Variants in CWC27 observed in about 807,000 individuals in gnomAD.
CWC27 encodes the protein CWC27 spliceosome associated cyclophilin, also known as spliceosome-associated protein CWC27 homolog.
Under a neutral mutation model 63.6 loss-of-function variants are expected in CWC27, and 47 were observed. That is an observed-to-expected ratio of 0.74 (90% confidence interval 0.58 to 0.94). CWC27 has a LOEUF of 0.94. CWC27 is among the 40% of genes least tolerant of loss of function. The pLI, the probability that CWC27 is intolerant of heterozygous loss-of-function variation, is 0.00. For missense variants in CWC27, 495 were observed against 554.3 expected (o/e 0.89, Z 1.07); for synonymous variants, 175 against 179.8 (o/e 0.97, Z 0.22).
At chr5:64,999,818 C>T (rs1296530668) in intron 13 of CWC27, among the ~76,000 whole-genome samples, 1 of 151,918 alleles carries the variant, frequency 6.6e-6, no homozygotes, top group Admixed American at 6.6e-5. Flanking sequence ...GAAGTCCTTT[C>T]GATATAATGA....
chr5:64,993,131 A>T (rs1247865739), intron 13 of CWC27, among the ~76,000 whole-genome samples: 1 of 152,170 alleles, frequency 6.6e-6, no homozygotes, highest in Non-Finnish European at 1.5e-5. Context: ...ATTAAATGAG[A>T]TAATTCATGG....
rs970691855 is a variant in CWC27 at position 64,885,561 on chromosome 5, C to A, written c.1042+15C>A. The A allele has an allele frequency of 1.3e-6, 2 of 1,569,514 alleles. No homozygotes were observed. The highest frequency in any genetic ancestry group is 1.2e-5 in the South Asian group (1 of 86,126). The stretch of plus-strand genomic sequence containing the variant: ...AAGAAGTGAAGGTAAGGGCATTTAT[C>A]ACGCTTATTTTTTCACTTGATACTC... On this transcript the variant is annotated intron_variant, in intron 11 of 13. Coordinates refer to ENST00000381070, the MANE Select transcript of CWC27 (RefSeq NM_005869.4).
intron 11 of CWC27, among the ~76,000 whole-genome samples, chr5:64,918,270 T>A (rs796083109): frequency 1.4e-4 from 22 of 152,334 alleles, no homozygotes; most frequent in African/African-American, 5.3e-4. Flanking sequence ...TACCAAGGGC[T>A]AGGCAGGAAG....
chr5:64,823,593 C>T (rs540464636), intron 10 of CWC27, among the ~76,000 whole-genome samples: 1 of 152,198 alleles, frequency 6.6e-6, no homozygotes, highest in Non-Finnish European at 1.5e-5. Flanking sequence ...GATGCAATTA[C>T]TGCCTAACTC....
intron 10 of CWC27, among the ~76,000 whole-genome samples, chr5:64,806,538 C>T (rs887627830): frequency 1.3e-5 from 2 of 152,114 alleles, no homozygotes; most frequent in Non-Finnish European, 2.9e-5. Flanking sequence ...CCTATCTGTC[C>T]TACCTACAAA....
At chr5:64,991,786 A>G (rs1416387807) in intron 13 of CWC27, among the ~76,000 whole-genome samples, 3 of 152,208 alleles carry the variant, frequency 2.0e-5, no homozygotes, top group East Asian at 1.9e-4. Context: ...AAGGTTTTAA[A>G]TGAACAAATT....
chr5:64,860,265 A>G (rs1029064283), intron 10 of CWC27, among the ~76,000 whole-genome samples: 1 of 152,256 alleles, frequency 6.6e-6, no homozygotes, highest in African/African-American at 2.4e-5. Context: ...ACAATATTTA[A>G]TATGATACTA....
At chr5:64,982,498 T>G (rs1275238797) in intron 13 of CWC27, among the ~76,000 whole-genome samples, 1 of 151,890 alleles carries the variant, frequency 6.6e-6, no homozygotes, top group Non-Finnish European at 1.5e-5. Flanking sequence ...AATTTTTTTT[T>G]TTTTTAAGAT....
At chr5:64,933,117 A>G (rs1427259514) in intron 11 of CWC27, among the ~76,000 whole-genome samples, 3 of 152,136 alleles carry the variant, frequency 2.0e-5, no homozygotes, top group African/African-American at 7.2e-5. Context: ...CTTGGGTAAA[A>G]TGGAAGATTT....
intron 13 of CWC27, among the ~76,000 whole-genome samples, chr5:64,985,925 T>C (rs1944431994): frequency 6.6e-6 from 1 of 152,096 alleles, no homozygotes; most frequent in African/African-American, 2.4e-5. Flanking sequence ...CCCACCCAAA[T>C]CTCACCTTGA....
chr5:64,787,289 TCTTAAA>T (rs1561406451), intron 6 of CWC27, among the ~76,000 whole-genome samples: 1 of 152,196 alleles, frequency 6.6e-6, no homozygotes, highest in African/African-American at 2.4e-5. Context: ...GTGCAGTATA[TCTTAAA>T]CTTAAGCTAC....
rs559710948 is a variant in CWC27, at chr5:64,974,068, T to A, written c.1152+2256T>A. Among the ~76,000 whole-genome samples, 612 of 148,294 alleles carry A rather than the reference T, an allele frequency of 4.1e-3. 2 individuals are homozygous for A. Among genetic ancestry groups the A allele is most frequent in the African/African-American group, 0.014 (571 of 39,606 alleles). On this transcript the variant is annotated intron_variant, in intron 12 of 13. Transcript: ENST00000381070. The stretch of plus-strand genomic sequence containing the variant: ...TAGGCAGCCTAGGGAGACCCCCATC[T>A]CTACAGAAAAAAAAAAAAAAATAGT...
intron 10 of CWC27, among the ~76,000 whole-genome samples, chr5:64,882,679 C>T (rs1486565073): frequency 1.3e-5 from 2 of 152,094 alleles, no homozygotes; most frequent in African/African-American, 2.4e-5. Flanking sequence ...CTGCAGGCTC[C>T]GCCTCTCGGG....
chr5:64,785,521 A>G lies in CWC27; in HGVS notation c.437A>G (p.Glu146Gly). ...DTVYNMLRLS[E>G]VDIDDDERPH... ...GTATATAACATGTTGCGACTGTCAG[A>G]AGTAGACATTGATGATGACGAAAGA... Residue 146 changes from glutamate to glycine, a missense_variant, in exon 5 of 14, where the codon GAA becomes GGA. By Grantham distance (98) the Glu-to-Gly change is moderately conservative. This residue lies in a region of CWC27 where 463 missense variants were observed against 498.1 expected (regional missense o/e 0.93). Coordinates refer to ENST00000381070, the MANE Select transcript of CWC27 (RefSeq NM_005869.4). The G allele has an allele frequency of 6.4e-7, 1 of 1,565,564 alleles. No individual in the cohort carries two copies.
intron 11 of CWC27, among the ~76,000 whole-genome samples, chr5:64,937,117 A>C (rs1267377533): frequency 6.6e-6 from 1 of 151,732 alleles, no homozygotes; most frequent in South Asian, 2.1e-4. Flanking sequence ...CTCTGATCTT[A>C]GTTATTTCTT....
intron 5 of CWC27, 136 bp from the exon 6 acceptor site, chr5:64,786,388 A>T: frequency 2.1e-6 from 1 of 467,154 alleles, no homozygotes; most frequent in Non-Finnish European, 3.8e-6. Context: ...GTTGTGTAGT[A>T]AATATATATC....
At position 64,894,055 on chromosome 5, in the gene CWC27, G is replaced by T. The variant is rs375598908; in HGVS notation, c.1042+8509G>T. Among the ~76,000 whole-genome samples, 28 of 151,640 alleles carry T rather than the reference G, an allele frequency of 1.8e-4. No individual in the cohort carries two copies. In the East Asian group the frequency reaches 5.4e-3, roughly 29 times the overall value. On this transcript the variant is annotated intron_variant, in intron 11 of 13. Coordinates refer to ENST00000381070, the MANE Select transcript of CWC27 (RefSeq NM_005869.4). ...AACGATTCTCCTACCTCAGCCTCCCGAGTAGCTGGAATTACAGGAGCCCGC... is the reference window on the plus strand; with the variant it reads ...AACGATTCTCCTACCTCAGCCTCCCTAGTAGCTGGAATTACAGGAGCCCGC...
intron 10 of CWC27, among the ~76,000 whole-genome samples, chr5:64,848,708 A>G (rs566935572): frequency 4.9e-4 from 74 of 152,346 alleles, no homozygotes; most frequent in African/African-American, 1.8e-3. Context: ...AATGTGGTAC[A>G]TCACATTAAC....
Position 64,781,908 on chromosome 5 carries a change from ATT to A in CWC27, c.140-5_140-4del. ...TTTTAGACATTGATAAATTATTTTT[ATT>A]TTTTTTTCAGCTTATTATGACAATA... On this transcript the variant is annotated splice_polypyrimidine_tract_variant and intron_variant, in intron 2 of 13. Transcript: ENST00000381070. 2.2e-6 allele frequency: 3 copies of A among 1,346,078 alleles called. No homozygotes were observed. Among genetic ancestry groups the A allele is most frequent in the Admixed American group, 1.9e-5 (1 of 53,410 alleles). The allele number at this position is 1,346,078 out of a possible 1,614,324, so 83.4% of individuals were successfully genotyped here.
Sources: gnomAD v4.1 joint callset for allele counts (sites outside exome capture counted in the v4.1 genomes callset) on GRCh38, gnomAD v4.1.1 for gene constraint, gnomAD v4.1.1 regional missense constraint, MANE v1.5 for transcripts, NCBI Gene and HGNC (gene_info 2026-07-23, HGNC 2026-07-21) for gene names.